Variants in OPCML observed in about 807,000 individuals in gnomAD.
OPCML encodes the protein opioid-binding protein/cell adhesion molecule.
A neutral mutation model predicts 37.8 loss-of-function variants in OPCML; 13 were observed. The ratio of observed to expected loss-of-function variants is 0.34; its 90% confidence interval spans 0.22 to 0.55. The LOEUF is 0.55. OPCML is among the 20% of genes least tolerant of loss of function. The probability of loss-of-function intolerance (pLI) is 0.91; values close to 1 mark genes in which losing one functional copy is unlikely to be tolerated. For missense variants in OPCML, 341 were observed against 435.6 expected (o/e 0.78, Z 1.93); for synonymous variants, 176 against 168.8 (o/e 1.04, Z -0.33).
intron 2 of OPCML, among the ~76,000 whole-genome samples, chr11:132,712,758 G>T (rs1289616842): frequency 6.6e-6 from 1 of 152,216 alleles, no homozygotes; most frequent in Non-Finnish European, 1.5e-5. Flanking sequence ...TTCTGGCAAG[G>T]TTTCCAGTTT....
intron 3 of OPCML, among the ~76,000 whole-genome samples, chr11:132,596,163 T>C (rs182375315): frequency 2.2e-4 from 33 of 152,162 alleles, no homozygotes; most frequent in Admixed American, 1.9e-3. Flanking sequence ...AATGAGAAAA[T>C]AAAGCTAAAG....
chr11:133,362,841 G>T (rs780021733), intron 1 of OPCML, among the ~76,000 whole-genome samples: 1 of 151,940 alleles, frequency 6.6e-6, no homozygotes, highest in African/African-American at 2.4e-5. Context: ...CTTCTGCCCC[G>T]CTAGAGTTGT....
At chr11:133,499,714 T>C (rs759804587) in intron 1 of OPCML, among the ~76,000 whole-genome samples, 4 of 149,738 alleles carry the variant, frequency 2.7e-5, no homozygotes, top group Non-Finnish European at 5.9e-5. Flanking sequence ...ATAATAATAA[T>C]TGGAAAACCT....
intron 1 of OPCML, among the ~76,000 whole-genome samples, chr11:132,984,572 G>C (rs1478194418): frequency 2.0e-5 from 3 of 152,114 alleles, no homozygotes; most frequent in African/African-American, 7.2e-5. Flanking sequence ...ACTAGTCCAA[G>C]CTGCCTGGCA....
At chr11:133,494,728 G>A (rs199789243) in intron 1 of OPCML, among the ~76,000 whole-genome samples, 1 of 104,472 alleles carries the variant, frequency 9.6e-6, no homozygotes, top group Non-Finnish European at 1.8e-5. Flanking sequence ...TTGTGGGGCG[G>A]GGGGACGGGG....
In OPCML at chr11:133,020,057, G is replaced by A. The variant is rs184988917; in HGVS notation, c.62-77047C>T. On this transcript the variant is annotated intron_variant, in intron 1 of 7. Coordinates refer to ENST00000524381, the MANE Select transcript of OPCML (RefSeq NM_001012393.5). ...CTGTTGAATATTCACCTCCAGGGGC[G>A]GATGCGGTCGGAATGAGCTGAGGGT... Among the ~76,000 whole-genome samples the A allele has an allele frequency of 4.2e-4, 64 of 152,336 alleles. 1 individual carries two copies. In the East Asian group the frequency reaches 7.7e-3, roughly 18 times the overall value.
chr11:132,880,550 G>A (rs1016109262), intron 2 of OPCML, among the ~76,000 whole-genome samples: 45 of 152,298 alleles, frequency 3.0e-4, no homozygotes, highest in Admixed American at 7.8e-4. Flanking sequence ...AGTGGCTTGC[G>A]GATTCTCATG....
intron 2 of OPCML, among the ~76,000 whole-genome samples, chr11:132,937,210 C>T (rs1945406224): frequency 6.6e-6 from 1 of 152,132 alleles, no homozygotes; most frequent in African/African-American, 2.4e-5. Flanking sequence ...GGCGGACCGG[C>T]TCCCCAGCTC....
chr11:133,209,052 C>T (rs1303765051), intron 1 of OPCML, among the ~76,000 whole-genome samples: 1 of 152,206 alleles, frequency 6.6e-6, no homozygotes, highest in African/African-American at 2.4e-5. Flanking sequence ...TTTCTGGAAT[C>T]CTCCCTCTTC....
At chr11:133,202,185 A>G (rs770882016) in intron 1 of OPCML, among the ~76,000 whole-genome samples, 9 of 152,202 alleles carry the variant, frequency 5.9e-5, no homozygotes, top group Admixed American at 1.3e-4. Context: ...AGAGGTCTGC[A>G]TGCCCAGAGG....
chr11:133,234,215 T>G (rs1055769030), intron 1 of OPCML, among the ~76,000 whole-genome samples: 1 of 151,988 alleles, frequency 6.6e-6, no homozygotes, highest in Non-Finnish European at 1.5e-5. Context: ...TTTGTTTTGT[T>G]TTCTAAAAAA....
chr11:133,421,193 C>T (rs536535911), intron 1 of OPCML: 1 of 985,392 alleles, frequency 1.0e-6, no homozygotes, highest in East Asian at 1.1e-4. Context: ...CTCTCAGTTG[C>T]AAGGGAAAGA....
chr11:132,925,686 A>G (rs1944965678), intron 2 of OPCML, among the ~76,000 whole-genome samples: 1 of 152,184 alleles, frequency 6.6e-6, no homozygotes. Flanking sequence ...TTTCTGCCCA[A>G]AATAAACAGT....
At chr11:133,325,576 C>G (rs763278109) in intron 1 of OPCML, among the ~76,000 whole-genome samples, 1 of 152,036 alleles carries the variant, frequency 6.6e-6, no homozygotes, top group Non-Finnish European at 1.5e-5. Context: ...ATATATATCC[C>G]ACTTTTAGTA....
intron 2 of OPCML, among the ~76,000 whole-genome samples, chr11:132,719,447 C>T (rs1231460665): frequency 6.6e-6 from 1 of 152,114 alleles, no homozygotes; most frequent in Non-Finnish European, 1.5e-5. Flanking sequence ...GGTGTGACTG[C>T]GGTACAAAGG....
chr11:133,342,838 A>G (rs1447779278), intron 1 of OPCML, among the ~76,000 whole-genome samples: 6 of 152,178 alleles, frequency 3.9e-5, no homozygotes, highest in South Asian at 4.2e-4. Context: ...CTCTCATGGT[A>G]CCTTAGGCCT....
chr11:133,170,958 G>A (rs1205272439), intron 1 of OPCML, among the ~76,000 whole-genome samples: 3 of 152,172 alleles, frequency 2.0e-5, no homozygotes, highest in African/African-American at 4.8e-5. Flanking sequence ...TGAGCCTTAG[G>A]CAAGAGTTTC....
chr11:132,601,366 A>G (rs1443904099), intron 3 of OPCML, among the ~76,000 whole-genome samples: 2 of 152,182 alleles, frequency 1.3e-5, no homozygotes, highest in Non-Finnish European at 1.5e-5. Context: ...CCACAGTTAC[A>G]TAACCATGTA....
At chr11:132,552,428 G>A (rs2096383849) in intron 3 of OPCML, among the ~76,000 whole-genome samples, 2 of 152,102 alleles carry the variant, frequency 1.3e-5, no homozygotes, top group African/African-American at 4.8e-5. Flanking sequence ...TTTATCTGTA[G>A]GTTGGTACTG....
Sources: gnomAD v4.1 joint callset for allele counts (sites outside exome capture counted in the v4.1 genomes callset) on GRCh38, gnomAD v4.1.1 for gene constraint, MANE v1.5 for transcripts, NCBI Gene and HGNC (gene_info 2026-07-23, HGNC 2026-07-21) for gene names.